The following NPRL3 variants were observed in gnomAD, a reference collection of about 807,000 sequenced individuals.
The protein encoded by NPRL3 is GATOR1 complex protein NPRL3.
Under a neutral mutation model 57.2 loss-of-function variants are expected in NPRL3, and 23 were observed. The observed-to-expected ratio is 0.40, with a 90% CI of 0.29 to 0.57. The LOEUF (loss-of-function observed/expected upper bound fraction) is 0.57, where lower values mean the gene tolerates loss of function less well. Among genes scored for constraint, NPRL3 ranks in the 20% least tolerant of loss-of-function variants. NPRL3 has a pLI of 0.42. For missense variants in NPRL3, 691 were observed against 767.1 expected (o/e 0.90, Z 1.17); for synonymous variants, 333 against 321.1 (o/e 1.04, Z -0.39).
At chr16:128,893 C>T (rs1182576434) in intron 3 of NPRL3, among the ~76,000 whole-genome samples, 5 of 152,112 alleles carry the variant, frequency 3.3e-5, no homozygotes. Context: ...CAAAATAAAC[C>T]AGGAGGGGAA....
chr16:89,310 G>A, intron 12 of NPRL3: 1 of 266,480 alleles, frequency 3.8e-6, no homozygotes, highest in East Asian at 7.9e-5. Context: ...CCAAGCCTGG[G>A]GACCGGGGAC....
At chr16:112,880 G>C in intron 5 of NPRL3, 105 bp from the exon 6 acceptor site, 28 of 1,081,788 alleles carry the variant, frequency 2.6e-5, no homozygotes, top group Admixed American at 3.1e-5. Flanking sequence ...CTCAAACCAT[G>C]AAAGAAAGCG....
At chr16:132,699 T>G (rs1900867961) in intron 2 of NPRL3, among the ~76,000 whole-genome samples, 1 of 149,296 alleles carries the variant, frequency 6.7e-6, no homozygotes. Flanking sequence ...AGACGGAGTC[T>G]CGCTCTGTCG....
At chr16:93,179 C>T in intron 10 of NPRL3, 40 bp downstream of exon 10, 1 of 1,348,734 alleles carries the variant, frequency 7.4e-7, no homozygotes, top group Non-Finnish European at 1.0e-6. Context: ...TCACCCCTTC[C>T]CACTCGGGGC....
intron 5 of NPRL3, among the ~76,000 whole-genome samples, chr16:112,985 A>C (rs1429035050): frequency 6.6e-6 from 1 of 152,216 alleles, no homozygotes; most frequent in Non-Finnish European, 1.5e-5. Flanking sequence ...GTGGGCTGTC[A>C]GCCCCCATGC....
intron 3 of NPRL3, among the ~76,000 whole-genome samples, chr16:121,860 C>T (rs569791751): frequency 5.3e-5 from 8 of 151,946 alleles, no homozygotes; most frequent in East Asian, 1.9e-4. Flanking sequence ...CTGCAACCTC[C>T]GCCTCCCGAG....
chr16:122,258 G>A (rs374691419), intron 3 of NPRL3, among the ~76,000 whole-genome samples: 5 of 151,406 alleles, frequency 3.3e-5, no homozygotes, highest in Non-Finnish European at 5.9e-5. Context: ...CACCAAGCCC[G>A]GCTAATTTTT....
chr16:122,300 C>A (rs7190975), intron 3 of NPRL3, among the ~76,000 whole-genome samples: 1,690 of 147,150 alleles, frequency 0.011, 35 homozygotes, highest in African/African-American at 0.04. Context: ...GGTTTCACCA[C>A]GTTGGCCAGG....
rs1388341477 is a variant in NPRL3 at position 107,610 on chromosome 16, A to G, written c.629+2915T>C. ...ATTCCATCTCAAAAAAAAAAAAAAA[A>G]AAGAAGAAGAAAAAGAAATATAAAG... On this transcript the variant is annotated intron_variant, in intron 7 of 13. Coordinates refer to ENST00000611875, the MANE Select transcript of NPRL3 (RefSeq NM_001077350.3). Among the ~76,000 whole-genome samples, 202 of 149,572 alleles carry G rather than the reference A, an allele frequency of 1.4e-3. No individual in the cohort carries two copies. The Middle Eastern group carries it at 0.014, about 10-fold the overall frequency.
chr16:98,421 C>T (rs545351999), intron 8 of NPRL3, 120 bp from the exon 9 acceptor site: 20 of 1,102,646 alleles, frequency 1.8e-5, no homozygotes, highest in South Asian at 9.3e-5. Context: ...AGGTATGCAC[C>T]GGGTATGCAC....
intron 2 of NPRL3, among the ~76,000 whole-genome samples, chr16:136,637 C>T (rs1901096854): frequency 6.6e-6 from 1 of 150,742 alleles, no homozygotes; most frequent in African/African-American, 2.4e-5. Context: ...TTGCGGTGAG[C>T]CGAGATCACG....
intron 2 of NPRL3, among the ~76,000 whole-genome samples, chr16:135,867 A>C (rs1454727847): frequency 6.6e-6 from 1 of 152,166 alleles, no homozygotes; most frequent in African/African-American, 2.4e-5. Flanking sequence ...CAAATCTATA[A>C]GGAAAAAAAA....
intron 6 of NPRL3, among the ~76,000 whole-genome samples, chr16:111,121 C>G (rs574631196): frequency 6.6e-6 from 1 of 152,052 alleles, no homozygotes; most frequent in Non-Finnish European, 1.5e-5. Flanking sequence ...GACAGGTAAC[C>G]GGGCGCGGTG....
chr16:129,372 A>T (rs903143917), intron 3 of NPRL3, among the ~76,000 whole-genome samples: 1 of 152,184 alleles, frequency 6.6e-6, no homozygotes, highest in African/African-American at 2.4e-5. Flanking sequence ...AGGGCAAGAC[A>T]ACCACAGGCC....
At position 86,508 on chromosome 16, in the gene NPRL3, G is replaced by A. The variant is rs1217355167; in HGVS notation, c.*197C>T. The A allele has an allele frequency of 1.7e-6, 1 of 589,102 alleles. No homozygotes were observed. Among genetic ancestry groups the A allele is most frequent in the Non-Finnish European group, 3.0e-6 (1 of 333,510 alleles). The allele number at this position is 589,102 out of a possible 1,614,324, so 36.5% of individuals were successfully genotyped here. A position where few individuals can be genotyped will look rare whatever the true frequency, so the allele number is the denominator to read the frequency against. On this transcript the variant is annotated 3_prime_UTR_variant, in exon 14 of 14. Transcript: ENST00000611875. ...GGGAAGCGTAGGAACACAGAGGGCA[G>A]CAGCCCCACAGCGGAACCACCAGGG...
intron 8 of NPRL3, among the ~76,000 whole-genome samples, chr16:98,629 G>A (rs1399135439): frequency 1.3e-5 from 2 of 152,250 alleles, no homozygotes; most frequent in African/African-American, 4.8e-5. Context: ...GAAAAGGGCA[G>A]TGGTCTGTTT....
chr16:101,707 G>A (rs556948303), intron 7 of NPRL3, among the ~76,000 whole-genome samples: 1 of 152,272 alleles, frequency 6.6e-6, no homozygotes, highest in East Asian at 1.9e-4. Context: ...TCCCAGCCAT[G>A]GGCCTGCAAC....
chr16:112,505 G>A, intron 6 of NPRL3, 117 bp downstream of exon 6: 1 of 1,050,242 alleles, frequency 9.5e-7, no homozygotes, highest in Non-Finnish European at 1.3e-6. Context: ...GGGTGGGTGA[G>A]GCCCCGCCAA....
chr16:86,950 A>G, intron 13 of NPRL3, 80 bp from the exon 14 acceptor site: 1 of 1,401,984 alleles, frequency 7.1e-7, no homozygotes, highest in Non-Finnish European at 9.7e-7. Flanking sequence ...GCTGGGAATC[A>G]GCTCTGAGCT....
Sources: gnomAD v4.1 joint callset for allele counts (sites outside exome capture counted in the v4.1 genomes callset) on GRCh38, gnomAD v4.1.1 for gene constraint, MANE v1.5 for transcripts, NCBI Gene and HGNC (gene_info 2026-07-23, HGNC 2026-07-21) for gene names.